Variants in MORN5 observed in about 807,000 individuals in gnomAD.
MORN5 encodes the protein MORN repeat-containing protein 5.
In MORN5, 21 loss-of-function variants were observed where a neutral mutation model predicts 22.1. The ratio of observed to expected loss-of-function variants is 0.95; its 90% CI spans 0.67 to 1.37. MORN5 has a LOEUF of 1.37. Among genes scored for constraint, MORN5 ranks in the 40% most tolerant of loss-of-function variants. The pLI is 0.00. For synonymous variants in MORN5, 73 were observed against 74.0 expected (o/e 0.99, Z 0.07); for missense variants, 211 against 215.1 (o/e 0.98, Z 0.12).
rs368461202 is a variant in MORN5 at position 122,174,492 on chromosome 9, C to G, written c.308-4C>G. On this transcript the variant is annotated splice_region_variant and splice_polypyrimidine_tract_variant and intron_variant, in intron 3 of 4. Coordinates refer to ENST00000373764, the MANE Select transcript of MORN5 (RefSeq NM_198469.4). ...GAACTAATTGCCCATTATGTTCTTT[C>G]AAGGTATGGCTCAACTCACCAATAT... 1 of 1,613,468 alleles carries G rather than the reference C, an allele frequency of 6.2e-7. No individual in the cohort carries two copies. The highest frequency in any genetic ancestry group is 8.5e-7 in the Non-Finnish European group (1 of 1,179,766).
At chr9:122,163,800 T>C (rs1829236605) in intron 1 of MORN5, among the ~76,000 whole-genome samples, 1 of 152,240 alleles carries the variant, frequency 6.6e-6, no homozygotes, top group South Asian at 2.1e-4. Context: ...ACTTATTTCA[T>C]CTCTGTAACT....
At position 122,200,079 on chromosome 9, in the gene MORN5, G is replaced by A. The variant is rs140653380; in HGVS notation, c.*148G>A. ...TAACTCAGGAATAAAGACTTTCTGC[G>A]GTCAGTGGCCCCAGGTGTATTTTCC... is the stretch of plus-strand genomic sequence containing the variant. On this transcript the variant is annotated 3_prime_UTR_variant, in exon 5 of 5. Coordinates refer to ENST00000373764, the MANE Select transcript of MORN5 (RefSeq NM_198469.4). 2.8e-5 allele frequency: 20 copies of A among 715,224 alleles called. 1 individual carries two copies. The Middle Eastern group carries it at 7.3e-4, about 26-fold the overall frequency. The allele number at this position is 715,224 out of a possible 1,614,324, so 44.3% of individuals were successfully genotyped here. A position where few individuals can be genotyped will look rare whatever the true frequency, so the allele number is the denominator to read the frequency against.
chr9:122,173,730 A>G (rs1418009634), intron 3 of MORN5, among the ~76,000 whole-genome samples: 1 of 152,204 alleles, frequency 6.6e-6, no homozygotes. Context: ...CAGAGGTCTC[A>G]GTGTCCCTGG....
chr9:122,183,240 A>G (rs957353780), intron 4 of MORN5, among the ~76,000 whole-genome samples: 1 of 152,244 alleles, frequency 6.6e-6, no homozygotes, highest in Non-Finnish European at 1.5e-5. Context: ...GGAAACTGGT[A>G]GACTAACTCT....
At chr9:122,181,440 C>T (rs143578229) in intron 4 of MORN5, among the ~76,000 whole-genome samples, 29 of 152,348 alleles carry the variant, frequency 1.9e-4, no homozygotes, top group African/African-American at 7.0e-4. Context: ...CTCAAACCCA[C>T]TCCCATCTTA....
At chr9:122,164,557 G>C in intron 1 of MORN5, 1 of 985,140 alleles carries the variant, frequency 1.0e-6, no homozygotes. Flanking sequence ...GAACTCTAAG[G>C]AGGTGCTGCT....
rs749010347 is a variant in MORN5, at chr9:122,174,671, A to T, written c.439+44A>T. On this transcript the variant is annotated intron_variant, in intron 4 of 4. Coordinates refer to ENST00000373764, the MANE Select transcript of MORN5 (RefSeq NM_198469.4). ...TGCAGCACGTTTTCTCTTCACCCAC[A>T]TATGAGTATGTGCATCTGTATGTAC... is the stretch of plus-strand genomic sequence containing the variant. The T allele has an allele frequency of 2.5e-6, 4 of 1,613,244 alleles. No individual in the cohort carries two copies. The East Asian group carries it at 6.7e-5, about 27-fold the overall frequency.
chr9:122,176,108 A>G (rs1829447866), intron 4 of MORN5, among the ~76,000 whole-genome samples: 1 of 135,470 alleles, frequency 7.4e-6, no homozygotes, highest in African/African-American at 2.9e-5. Flanking sequence ...ACAGAGCAAG[A>G]CTCCGTCTCA....
chr9:122,192,884 A>T (rs1208596310), intron 4 of MORN5, among the ~76,000 whole-genome samples: 14 of 152,190 alleles, frequency 9.2e-5, no homozygotes. Context: ...TCAAAACCCC[A>T]CAGGGTAAAC....
chr9:122,189,782 A>T (rs1829719469), intron 4 of MORN5, among the ~76,000 whole-genome samples: 1 of 151,710 alleles, frequency 6.6e-6, no homozygotes, highest in Non-Finnish European at 1.5e-5. Context: ...AGTTTTTTGT[A>T]TTTTTAGTAG....
chr9:122,172,914 T>A (rs1288949594), intron 3 of MORN5, among the ~76,000 whole-genome samples: 1 of 152,156 alleles, frequency 6.6e-6, no homozygotes, highest in Non-Finnish European at 1.5e-5. Context: ...TAAGAGGACA[T>A]CATCTCTCCC....
intron 4 of MORN5, among the ~76,000 whole-genome samples, chr9:122,186,125 C>T (rs912775100): frequency 7.9e-5 from 12 of 152,276 alleles, no homozygotes; most frequent in Middle Eastern, 3.4e-3. Context: ...CCAGCAGACG[C>T]GCATTTGCTG....
At chr9:122,173,596 A>C (rs1829398089) in intron 3 of MORN5, among the ~76,000 whole-genome samples, 1 of 152,212 alleles carries the variant, frequency 6.6e-6, no homozygotes, top group Admixed American at 6.5e-5. Context: ...TACAGGAACT[A>C]TAGTTAGAAG....
At chr9:122,180,477 G>A (rs1829521925) in intron 4 of MORN5, among the ~76,000 whole-genome samples, 1 of 151,850 alleles carries the variant, frequency 6.6e-6, no homozygotes, top group African/African-American at 2.4e-5. Flanking sequence ...GTAGAGATGG[G>A]GTTTCACCAT....
intron 4 of MORN5, among the ~76,000 whole-genome samples, chr9:122,195,968 A>ATTTATTTATTTATTTATT (rs1829879248): frequency 1.0e-4 from 15 of 147,488 alleles, no homozygotes; most frequent in African/African-American, 2.3e-4. Context: ...ATTTTGTTTT[A>ATTTATTTATTTATTTATT]TATTTATTTA....
chr9:122,162,096 AG>A (rs1372729622), intron 1 of MORN5, among the ~76,000 whole-genome samples: 3 of 152,260 alleles, frequency 2.0e-5, no homozygotes, highest in Non-Finnish European at 4.4e-5. Flanking sequence ...AGGATGAGAC[AG>A]GTCTGGGCTC....
chr9:122,177,273 G>A (rs1358318011), intron 4 of MORN5, among the ~76,000 whole-genome samples: 1 of 152,210 alleles, frequency 6.6e-6, no homozygotes, highest in East Asian at 1.9e-4. Flanking sequence ...AGATGACACT[G>A]GCATGAACAA....
At position 122,169,711 on chromosome 9, in the gene MORN5, G is replaced by A; in HGVS notation, c.262G>A (p.Asp88Asn). ...AAACTGGCATTACTGCGACGGCTAT[G>A]ATCGGAGGTTTTACACAGAGATCCT... ...EKNWHYCDGY[D>N]RRFYTEILNG... The change falls in exon 3 of 5, where the codon GAT (aspartate) becomes AAT (asparagine). Residue 88 changes from aspartate (D) to asparagine (N), a missense_variant. Physicochemically the swap from Asp to Asn is conservative, Grantham distance 23 (BLOSUM62 1). Transcript: ENST00000373764. 6.2e-7 allele frequency: 1 copy of A among 1,614,142 alleles called. No homozygotes were observed. Among genetic ancestry groups the A allele is most frequent in the Non-Finnish European group, 8.5e-7 (1 of 1,180,008 alleles).
chr9:122,162,965 T>C (rs1450939644), intron 1 of MORN5, among the ~76,000 whole-genome samples: 3 of 152,034 alleles, frequency 2.0e-5, no homozygotes, highest in Admixed American at 1.3e-4. Context: ...TGGCCTATTG[T>C]ATGTCAATTA....
Sources: gnomAD v4.1 joint callset for allele counts (sites outside exome capture counted in the v4.1 genomes callset) on GRCh38, gnomAD v4.1.1 for gene constraint, MANE v1.5 for transcripts, NCBI Gene and HGNC (gene_info 2026-07-23, HGNC 2026-07-21) for gene names.